Variants in YTHDC1 observed in about 807,000 individuals in gnomAD.
YTHDC1 encodes the protein YTH N6-methyladenosine RNA binding protein C1.
In YTHDC1, 12 loss-of-function variants were observed where a neutral mutation model predicts 107.0. That is an observed-to-expected ratio of 0.11 (90% CI 0.07 to 0.18). The LOEUF is 0.18. Among genes scored for constraint, YTHDC1 ranks in the 10% least tolerant of loss-of-function variants. The probability of loss-of-function intolerance (pLI) is 1.00; values close to 1 mark genes in which losing one functional copy is unlikely to be tolerated. For synonymous variants in YTHDC1, 280 were observed against 289.5 expected (o/e 0.97, Z 0.33); for missense variants, 635 against 898.8 (o/e 0.71, Z 3.75).
chr4:68,310,923 A>G lies in YTHDC1; in HGVS notation c.*3176T>C, dbSNP rs1303040837. On this transcript the variant is annotated 3_prime_UTR_variant, in exon 17 of 17. Coordinates refer to ENST00000344157, the MANE Select transcript of YTHDC1 (RefSeq NM_001031732.4). ...TAGATATATCCAAGGGCAAGATGCC[A>G]CACCTGTGATGGCAAAATACTCTGA... The G allele has an allele frequency of 6.6e-6, 1 of 152,192 alleles. No homozygotes were observed. The highest frequency in any genetic ancestry group is 1.5e-5 in the Non-Finnish European group (1 of 68,042). 9.4% of individuals were successfully genotyped at this position (152,192 alleles called of 1,614,324 possible).
chr4:68,335,380 A>G (rs545590174), intron 4 of YTHDC1, among the ~76,000 whole-genome samples: 16 of 152,320 alleles, frequency 1.1e-4, no homozygotes, highest in African/African-American at 3.8e-4. Context: ...ACTTTCAGGT[A>G]TCTCTTTTAG....
At chr4:68,343,242 A>C (rs1282925080) in intron 1 of YTHDC1, among the ~76,000 whole-genome samples, 1 of 152,022 alleles carries the variant, frequency 6.6e-6, no homozygotes, top group Non-Finnish European at 1.5e-5. Flanking sequence ...TCTGTCACCC[A>C]GGCTGGAGTG....
chr4:68,347,621 T>C (rs1725594947), intron 1 of YTHDC1, among the ~76,000 whole-genome samples: 2 of 152,226 alleles, frequency 1.3e-5, no homozygotes. Flanking sequence ...ATAGACTCAT[T>C]TGCTATCAAG....
chr4:68,321,193 T>C (rs762691208), intron 11 of YTHDC1, among the ~76,000 whole-genome samples: 2 of 152,196 alleles, frequency 1.3e-5, no homozygotes, highest in African/African-American at 2.4e-5. Flanking sequence ...AACCTAGCAT[T>C]CACTAGTTTT....
chr4:68,318,904 TTTC>T, intron 12 of YTHDC1, 42 bp from the exon 13 acceptor site: 1 of 1,604,122 alleles, frequency 6.2e-7, no homozygotes, highest in Non-Finnish European at 8.5e-7. Context: ...AATTTATATT[TTTC>T]TTTTATGGCA....
At chr4:68,323,656 A>G (rs1199922752) in intron 10 of YTHDC1, among the ~76,000 whole-genome samples, 2 of 152,252 alleles carry the variant, frequency 1.3e-5, no homozygotes, top group Non-Finnish European at 2.9e-5. Context: ...GTTCAGAATT[A>G]CATGTGAGAA....
intron 11 of YTHDC1, among the ~76,000 whole-genome samples, chr4:68,320,604 T>G (rs1341211327): frequency 1.3e-5 from 2 of 152,074 alleles, no homozygotes; most frequent in African/African-American, 2.4e-5. Flanking sequence ...TAGAAAAACC[T>G]ATCATCATTG....
intron 1 of YTHDC1, chr4:68,344,145 T>C (rs1725154014): frequency 1.3e-5 from 2 of 151,746 alleles, no homozygotes; most frequent in Non-Finnish European, 2.9e-5. Flanking sequence ...GGTTTGTATC[T>C]GGTGAATGAG....
Position 68,318,558 on chromosome 4 carries a change from T to C in YTHDC1, c.1785A>G (p.Glu595=). The change falls in exon 15 of 17, where the codon GAA becomes GAG. Residue 595 remains glutamate (E), a synonymous_variant. Coordinates refer to ENST00000344157, the MANE Select transcript of YTHDC1 (RefSeq NM_001031732.4). The stretch of plus-strand genomic sequence containing the variant: ...GTGGTGGTGGTCCCATGTTATGAAA[T>C]TCCCTCACATAATCATTGTAGGACT... ...LNGSYNDYVR[E]FHNMGPPPPW... is the part of the protein sequence containing the mutation. The C allele has an allele frequency of 6.2e-7, 1 of 1,613,146 alleles. No homozygotes were observed. Among genetic ancestry groups the C allele is most frequent in the South Asian group, 1.1e-5 (1 of 90,776 alleles).
intron 16 of YTHDC1, among the ~76,000 whole-genome samples, chr4:68,315,312 GAA>G (rs1409264915): frequency 6.6e-6 from 1 of 152,106 alleles, no homozygotes; most frequent in African/African-American, 2.4e-5. Context: ...TTGATTTAGA[GAA>G]AATTACTATC....
chr4:68,338,907 T>C (rs1724517467), intron 1 of YTHDC1, among the ~76,000 whole-genome samples: 1 of 152,130 alleles, frequency 6.6e-6, no homozygotes, highest in African/African-American at 2.4e-5. Context: ...GCCAGGAGTA[T>C]ACATCTCAGA....
chr4:68,341,702 G>A lies in YTHDC1; in HGVS notation c.29-3318C>T, dbSNP rs148805732. Among the ~76,000 whole-genome samples, 648 of 152,042 alleles carry A rather than the reference G, an allele frequency of 4.3e-3. 5 individuals are homozygous for A. The highest frequency in any genetic ancestry group is 8.6e-3 in the Admixed American group (131 of 15,264). On this transcript the variant is annotated intron_variant, in intron 1 of 16. Coordinates refer to ENST00000344157, the MANE Select transcript of YTHDC1 (RefSeq NM_001031732.4). ...TATAATACAAATGACCAAATTTTAA[G>A]TACTTTTCTCCATCACTGAAACTCC...
At chr4:68,343,404 G>C (rs1725065314) in intron 1 of YTHDC1, among the ~76,000 whole-genome samples, 1 of 150,556 alleles carries the variant, frequency 6.6e-6, no homozygotes, top group South Asian at 2.1e-4. Context: ...GTTTCACCAT[G>C]TTGTCCAGGC....
At chr4:68,338,038 C>T (rs1474894452) in intron 2 of YTHDC1, 138 bp from the exon 3 acceptor site, 8 of 1,457,524 alleles carry the variant, frequency 5.5e-6, no homozygotes, top group Non-Finnish European at 6.3e-6. Context: ...GAGATTTCTT[C>T]TCCAGAGTTA....
chr4:68,314,760 T>C (rs570041770), intron 16 of YTHDC1, among the ~76,000 whole-genome samples: 2 of 152,332 alleles, frequency 1.3e-5, no homozygotes, highest in South Asian at 4.1e-4. Context: ...TTCTACCAAC[T>C]TCAATTTTAC....
Position 68,343,364 on chromosome 4 carries a change from C to T in YTHDC1, c.29-4980G>A, listed in dbSNP as rs566106335. Among the ~76,000 whole-genome samples the T allele has an allele frequency of 5.2e-4, 79 of 151,340 alleles. 1 individual carries two copies. The highest frequency in any genetic ancestry group is 1.8e-3 in the African/African-American group (74 of 41,220). On this transcript the variant is annotated intron_variant, in intron 1 of 16. Transcript: ENST00000344157. ...CAGAGGCCCGCCACACCATGCCCAG[C>T]TAATTTTTGTTATTTTTAGTAGAGA...
chr4:68,328,916 T>G (rs948633380), intron 9 of YTHDC1, among the ~76,000 whole-genome samples: 1 of 152,194 alleles, frequency 6.6e-6, no homozygotes, highest in African/African-American at 2.4e-5. Context: ...TGTAACACAA[T>G]GGAAAATACT....
At chr4:68,338,204 C>A in intron 2 of YTHDC1, 79 bp downstream of exon 2, 1 of 1,394,284 alleles carries the variant, frequency 7.2e-7, no homozygotes, top group Non-Finnish European at 9.8e-7. Context: ...CACAAAAAAG[C>A]ACAGTCATTT....
chr4:68,330,163 A>G, intron 8 of YTHDC1, 39 bp downstream of exon 8: 1 of 1,575,510 alleles, frequency 6.3e-7, no homozygotes, highest in Non-Finnish European at 8.7e-7. Context: ...TGCTAATATA[A>G]TTAATGTTTT....
Sources: allele counts gnomAD v4.1 joint callset (sites outside exome capture counted in the v4.1 genomes callset), GRCh38; gene constraint gnomAD v4.1.1; transcripts MANE v1.5; gene names NCBI Gene and HGNC (gene_info 2026-07-23, HGNC 2026-07-21).